Variants in FMN2 observed in about 807,000 individuals in gnomAD.
The protein encoded by FMN2 is formin 2.
A neutral mutation model predicts 142.3 loss-of-function variants in FMN2; 51 were observed. That is an observed-to-expected ratio of 0.36 (90% confidence interval 0.29 to 0.45). FMN2 has a LOEUF of 0.45. Among genes scored for constraint, FMN2 ranks in the 20% least tolerant of loss-of-function variants. FMN2 has a pLI of 1.00. For synonymous variants in FMN2, 882 were observed against 869.8 expected (o/e 1.01, Z -0.25); for missense variants, 1,936 against 2,122.8 (o/e 0.91, Z 1.73).
intron 15 of FMN2, among the ~76,000 whole-genome samples, chr1:240,393,851 A>G (rs1673688502): frequency 6.6e-6 from 1 of 152,250 alleles, no homozygotes; most frequent in Admixed American, 6.5e-5. Flanking sequence ...CTGTTACACA[A>G]TAGTCTGTTG....
chr1:240,373,425 T>C (rs1453295428), intron 14 of FMN2, among the ~76,000 whole-genome samples: 1 of 152,242 alleles, frequency 6.6e-6, no homozygotes, highest in Non-Finnish European at 1.5e-5. Context: ...GGTAGTATTT[T>C]ACCCACAGTA....
intron 2 of FMN2, among the ~76,000 whole-genome samples, chr1:240,173,389 T>C (rs1052573981): frequency 1.3e-5 from 2 of 152,202 alleles, no homozygotes; most frequent in African/African-American, 4.8e-5. Flanking sequence ...CTGTTTTGGA[T>C]AGTACACCAT....
intron 15 of FMN2, among the ~76,000 whole-genome samples, chr1:240,431,837 T>G (rs1675189162): frequency 6.6e-6 from 1 of 151,778 alleles, no homozygotes; most frequent in Non-Finnish European, 1.5e-5. Context: ...ATTATCCACT[T>G]TAGAAATTGC....
At chr1:240,209,269 G>C (rs1189829277) in intron 5 of FMN2, among the ~76,000 whole-genome samples, 5 of 150,878 alleles carry the variant, frequency 3.3e-5, no homozygotes, top group African/African-American at 1.2e-4. Context: ...TTTTGGAGGG[G>C]GGACGGAGTC....
At chr1:240,366,609 G>A (rs112269687) in intron 14 of FMN2, among the ~76,000 whole-genome samples, 2,632 of 150,570 alleles carry the variant, frequency 0.017, 73 homozygotes, top group African/African-American at 0.061. Context: ...GCACGATCTC[G>A]GCTCACCGCA....
chr1:240,402,133 C>T (rs9662667), intron 15 of FMN2, among the ~76,000 whole-genome samples: 2,257 of 152,298 alleles, frequency 0.015, 65 homozygotes, highest in African/African-American at 0.05. Flanking sequence ...CATTCTAGTA[C>T]ATTTTTTAAA....
intron 4 of FMN2, among the ~76,000 whole-genome samples, chr1:240,198,955 A>G (rs1666028786): frequency 6.6e-6 from 1 of 152,076 alleles, no homozygotes; most frequent in Admixed American, 6.6e-5. Flanking sequence ...AAATACAAAA[A>G]TTAGCCCGGC....
intron 6 of FMN2, among the ~76,000 whole-genome samples, chr1:240,233,325 C>T (rs1270331368): frequency 1.3e-5 from 2 of 150,754 alleles, no homozygotes; most frequent in African/African-American, 4.9e-5. Flanking sequence ...ACAGAAGTTG[C>T]AGTGAGCCGA....
chr1:240,299,616 A>G (rs952779454), intron 8 of FMN2, among the ~76,000 whole-genome samples: 5 of 152,140 alleles, frequency 3.3e-5, no homozygotes, highest in African/African-American at 1.2e-4. Context: ...TTTTAGGGCA[A>G]ACTGAGTAGA....
chr1:240,312,965 G>A (rs1670645922), intron 8 of FMN2, among the ~76,000 whole-genome samples: 1 of 152,134 alleles, frequency 6.6e-6, no homozygotes, highest in Non-Finnish European at 1.5e-5. Context: ...GAACTCCCCA[G>A]CACTTCTTCC....
At chr1:240,445,600 CAATG>C (rs1238997154) in intron 16 of FMN2, among the ~76,000 whole-genome samples, 1 of 151,830 alleles carries the variant, frequency 6.6e-6, no homozygotes, top group Non-Finnish European at 1.5e-5. Flanking sequence ...GGGGGCCATG[CAATG>C]AATTTGATAA....
intron 2 of FMN2, among the ~76,000 whole-genome samples, 160 bp downstream of exon 2, chr1:240,123,505 C>CAAAAAAAAAAAAA (rs71168901): frequency 1.3e-4 from 14 of 107,788 alleles, no homozygotes; most frequent in East Asian, 3.2e-4. Context: ...TGTTTGTACA[C>CAAAAAAAAAAAAA]AAAAAAAAAA....
At chr1:240,171,101 G>A in intron 2 of FMN2, 1 of 1,440,870 alleles carries the variant, frequency 6.9e-7, no homozygotes. Flanking sequence ...CTGGTAACAG[G>A]TCGCACATGG....
intron 16 of FMN2, among the ~76,000 whole-genome samples, chr1:240,450,646 G>A (rs1348244342): frequency 4.6e-5 from 7 of 152,220 alleles, no homozygotes; most frequent in Non-Finnish European, 8.8e-5. Context: ...AGCGTCACAT[G>A]CTCTGTATCT....
intron 2 of FMN2, among the ~76,000 whole-genome samples, chr1:240,133,779 A>G (rs910417778): frequency 3.9e-5 from 6 of 152,226 alleles, no homozygotes; most frequent in Non-Finnish European, 8.8e-5. Flanking sequence ...TAGCCATCTC[A>G]GTCTGCATTT....
intron 16 of FMN2, among the ~76,000 whole-genome samples, chr1:240,447,113 A>G (rs1039569567): frequency 6.6e-6 from 1 of 152,162 alleles, no homozygotes; most frequent in Non-Finnish European, 1.5e-5. Context: ...AAGACATGTT[A>G]GTGGTTATTT....
intron 1 of FMN2, among the ~76,000 whole-genome samples, chr1:240,097,085 G>C (rs1572742951): frequency 6.6e-6 from 1 of 152,218 alleles, no homozygotes; most frequent in East Asian, 1.9e-4. Flanking sequence ...TTAAATTTGT[G>C]ATGCTAAATC....
chr1:240,276,044 C>T (rs1449499145), intron 7 of FMN2, among the ~76,000 whole-genome samples: 3 of 152,188 alleles, frequency 2.0e-5, no homozygotes, highest in Non-Finnish European at 4.4e-5. Context: ...TATGGTGGCT[C>T]ACACCTATAA....
intron 1 of FMN2, among the ~76,000 whole-genome samples, chr1:240,118,178 G>A (rs1282663056): frequency 6.6e-6 from 1 of 152,118 alleles, no homozygotes; most frequent in Non-Finnish European, 1.5e-5. Context: ...TGAGTGTTGC[G>A]GGGGTTGTGA....
Sources: gnomAD v4.1 joint callset for allele counts (sites outside exome capture counted in the v4.1 genomes callset) on GRCh38, gnomAD v4.1.1 for gene constraint, MANE v1.5 for transcripts, NCBI Gene and HGNC (gene_info 2026-07-23, HGNC 2026-07-21) for gene names.